RPS6KC1: variants seen among roughly 807,000 people sequenced by gnomAD.
The protein encoded by RPS6KC1 is ribosomal protein S6 kinase C1.
Under a neutral mutation model 103.8 loss-of-function variants are expected in RPS6KC1, and 54 were observed. The observed-to-expected ratio is 0.52, with a 90% CI of 0.42 to 0.65. RPS6KC1 has a LOEUF of 0.65. Among genes scored for constraint, RPS6KC1 ranks in the 30% least tolerant of loss-of-function variants. The probability of loss-of-function intolerance (pLI) is 0.00; values close to 1 mark genes in which losing one functional copy is unlikely to be tolerated. For missense variants in RPS6KC1, 1,151 were observed against 1,253.8 expected (o/e 0.92, Z 1.24); for synonymous variants, 439 against 438.7 (o/e 1.00, Z -0.01).
chr1:213,189,306 A>T (rs894906929), intron 8 of RPS6KC1, among the ~76,000 whole-genome samples: 3 of 152,012 alleles, frequency 2.0e-5, no homozygotes, highest in South Asian at 2.1e-4. Context: ...AAAATTAGCC[A>T]GGCGTGATGA....
At chr1:213,221,295 T>G (rs1444822054) in intron 8 of RPS6KC1, among the ~76,000 whole-genome samples, 1 of 152,156 alleles carries the variant, frequency 6.6e-6, no homozygotes, top group Non-Finnish European at 1.5e-5. Context: ...CCCTGTGACC[T>G]TGGGTACTTT....
At chr1:213,326,681 C>T in the RPS6KC1 span, among the ~76,000 whole-genome samples, 1 of 152,168 alleles carries the variant, frequency 6.6e-6, no homozygotes, top group African/African-American at 2.4e-5. Context: ...GTTTGTGGCT[C>T]GGATTCATTA....
chr1:213,782,471 A>T, the RPS6KC1 span, among the ~76,000 whole-genome samples: 1 of 152,110 alleles, frequency 6.6e-6, no homozygotes, highest in African/African-American at 2.4e-5. Flanking sequence ...CTATTTTGTG[A>T]TGAGGAAGAA....
At chr1:213,290,113 C>T in the RPS6KC1 span, among the ~76,000 whole-genome samples, 4 of 141,626 alleles carry the variant, frequency 2.8e-5, no homozygotes, top group African/African-American at 1.1e-4. Context: ...CCACTGCAAT[C>T]CGGCCTGGGC....
intron 10 of RPS6KC1, among the ~76,000 whole-genome samples, chr1:213,234,010 CTCTCTTTT>C (rs2094163777): frequency 6.7e-6 from 1 of 149,084 alleles, no homozygotes; most frequent in African/African-American, 2.5e-5. Flanking sequence ...AATTCTCTCT[CTCTCTTTT>C]TTTTTTTTTT....
chr1:213,301,730 TTTATTTATTTA>T, the RPS6KC1 span, among the ~76,000 whole-genome samples: 1 of 147,246 alleles, frequency 6.8e-6, no homozygotes, highest in Non-Finnish European at 1.5e-5. Flanking sequence ...TATTTATTTA[TTTATTTATTTA>T]TTTATTTGTG....
chr1:213,751,184 A>G, the RPS6KC1 span, among the ~76,000 whole-genome samples: 5 of 152,204 alleles, frequency 3.3e-5, no homozygotes. Flanking sequence ...CTGTGGTGGT[A>G]TAATGAGTTA....
chr1:213,521,062 A>G, the RPS6KC1 span, among the ~76,000 whole-genome samples: 1 of 152,150 alleles, frequency 6.6e-6, no homozygotes, highest in African/African-American at 2.4e-5. Flanking sequence ...TTCATTCTAT[A>G]TGCTCTGTTC....
At chr1:213,808,729 T>C in the RPS6KC1 span, among the ~76,000 whole-genome samples, 1 of 152,222 alleles carries the variant, frequency 6.6e-6, no homozygotes, top group East Asian at 1.9e-4. Context: ...CCCTTGTGCT[T>C]CCCGAGTGAG....
Position 213,272,948 on chromosome 1 carries a change from A to C in RPS6KC1, c.*314A>C, listed in dbSNP as rs553053302. On this transcript the variant is annotated 3_prime_UTR_variant, in exon 15 of 15. Transcript: ENST00000366960. Reference sequence around the variant, plus strand: ...TCCTTCAAGAAGTTCCTCTGATAGGAAGCTAGAAGTGTAGAATGAAGTTTT... The same window carrying C: ...TCCTTCAAGAAGTTCCTCTGATAGGCAGCTAGAAGTGTAGAATGAAGTTTT... 1.3e-3 allele frequency: 269 copies of C among 203,540 alleles called. No individual in the cohort carries two copies. The highest frequency in any genetic ancestry group is 6.0e-3 in the African/African-American group (263 of 44,050). 12.6% of individuals were successfully genotyped at this position (203,540 alleles called of 1,614,324 possible).
chr1:213,314,119 C>T, the RPS6KC1 span, among the ~76,000 whole-genome samples: 1 of 151,964 alleles, frequency 6.6e-6, no homozygotes, highest in Admixed American at 6.6e-5. Flanking sequence ...CTCGGCCTTC[C>T]TTGGCTTGAG....
chr1:213,186,760 T>C (rs1356570208), intron 8 of RPS6KC1, among the ~76,000 whole-genome samples: 1 of 152,214 alleles, frequency 6.6e-6, no homozygotes, highest in Non-Finnish European at 1.5e-5. Context: ...CATTCTTTTC[T>C]ACTCTTCTTT....
At chr1:213,614,133 A>G in the RPS6KC1 span, among the ~76,000 whole-genome samples, 11 of 152,348 alleles carry the variant, frequency 7.2e-5, no homozygotes, top group Admixed American at 6.5e-4. Flanking sequence ...CAGCTACAAT[A>G]GTAGCTGAGG....
chr1:213,781,314 G>A, the RPS6KC1 span, among the ~76,000 whole-genome samples: 1 of 151,960 alleles, frequency 6.6e-6, no homozygotes, highest in Non-Finnish European at 1.5e-5. Flanking sequence ...AGCCTTCAGA[G>A]GGAGCTCATT....
chr1:213,796,404 T>C, the RPS6KC1 span, among the ~76,000 whole-genome samples: 1 of 152,152 alleles, frequency 6.6e-6, no homozygotes, highest in Middle Eastern at 3.2e-3. Context: ...CCAAAGTAGG[T>C]TGTCTTGTCT....
chr1:213,830,204 G>A, the RPS6KC1 span, among the ~76,000 whole-genome samples: 1 of 152,206 alleles, frequency 6.6e-6, no homozygotes, highest in South Asian at 2.1e-4. Flanking sequence ...TTTGAATATG[G>A]TCATTTTAGC....
chr1:213,214,765 G>C (rs181859152), intron 8 of RPS6KC1, among the ~76,000 whole-genome samples: 1 of 152,122 alleles, frequency 6.6e-6, no homozygotes, highest in Non-Finnish European at 1.5e-5. Flanking sequence ...CAGGCAAACA[G>C]GGTCTGGAGT....
At chr1:213,651,288 G>T in the RPS6KC1 span, among the ~76,000 whole-genome samples, 13 of 152,194 alleles carry the variant, frequency 8.5e-5, no homozygotes, top group Non-Finnish European at 1.9e-4. Flanking sequence ...CCTGGGCTGG[G>T]CACCTGGTGG....
chr1:213,117,767 A>T (rs1002735426), intron 5 of RPS6KC1, among the ~76,000 whole-genome samples: 48 of 152,012 alleles, frequency 3.2e-4, no homozygotes, highest in African/African-American at 1.1e-3. Flanking sequence ...TCATGCCTGT[A>T]ATCCCTGCAC....
Sources: gnomAD v4.1 joint callset for allele counts (sites outside exome capture counted in the v4.1 genomes callset) on GRCh38, gnomAD v4.1.1 for gene constraint, MANE v1.5 for transcripts, NCBI Gene and HGNC (gene_info 2026-07-23, HGNC 2026-07-21) for gene names.